The following MCCC2 variants were observed in gnomAD, a reference collection of about 807,000 sequenced individuals.
The protein encoded by MCCC2 is methylcrotonoyl-CoA carboxylase beta chain, mitochondrial.
A neutral mutation model predicts 77.2 loss-of-function variants in MCCC2; 52 were observed. The observed-to-expected ratio is 0.67, with a 90% CI of 0.54 to 0.85. The LOEUF (loss-of-function observed/expected upper bound fraction) is 0.85, where lower values mean the gene tolerates loss of function less well. Among genes scored for constraint, MCCC2 ranks in the 40% least tolerant of loss-of-function variants. The pLI is 0.00. For synonymous variants in MCCC2, 253 were observed against 248.4 expected (o/e 1.02, Z -0.18); for missense variants, 682 against 703.2 (o/e 0.97, Z 0.34).
chr5:71,600,384 ACTT>A (rs1356128200), intron 4 of MCCC2, among the ~76,000 whole-genome samples: 2 of 151,730 alleles, frequency 1.3e-5, no homozygotes, highest in African/African-American at 4.8e-5. Context: ...CTAATCTCGA[ACTT>A]CTGGGCTCAA....
intron 8 of MCCC2, among the ~76,000 whole-genome samples, chr5:71,633,131 A>ATTTTTTTTTTTTTTTTT (rs1306338509): frequency 9.0e-5 from 7 of 78,084 alleles, no homozygotes; most frequent in East Asian, 4.8e-4. Context: ...ATATATATAT[A>ATTTTTTTTTTTTTTTTT]TTTTTATTTT....
intron 15 of MCCC2, among the ~76,000 whole-genome samples, chr5:71,652,437 G>A (rs904648254): frequency 1.3e-5 from 2 of 152,208 alleles, no homozygotes; most frequent in Non-Finnish European, 2.9e-5. Flanking sequence ...TTCACCTTAC[G>A]TGAAATAGCC....
At position 71,587,515 on chromosome 5, in the gene MCCC2, G is replaced by C. The variant is rs559384926; in HGVS notation, c.90G>C (p.Ser30=). 24 of 1,538,070 alleles carry C rather than the reference G, an allele frequency of 1.6e-5. No individual in the cohort carries two copies. The highest frequency in any genetic ancestry group is 1.9e-5 in the Non-Finnish European group (22 of 1,146,494). Reference sequence around the variant, plus strand: ...CCTATCACGGGGACTCGGTGGCCTCGCTGGGCACCCAGCCGGACTTGGGCT... The same window carrying C: ...CCTATCACGGGGACTCGGTGGCCTCCCTGGGCACCCAGCCGGACTTGGGCT... ...PRAYHGDSVA[S]LGTQPDLGSA... Residue 30 remains serine, a synonymous_variant, in exon 1 of 17, where the codon TCG becomes TCC. Transcript: ENST00000340941.
Position 71,635,161 on chromosome 5 carries a change from A to T in MCCC2, c.914A>T (p.Glu305Val), listed in dbSNP as rs757389984. 1.9e-6 allele frequency: 3 copies of T among 1,614,016 alleles called. No individual in the cohort carries two copies. The highest frequency in any genetic ancestry group is 3.3e-5 in the Admixed American group (2 of 60,004). ...NYQKKLDVTI[E>V]PSEEPLFPAD... ...TCTATATTTCTGCAGGTCACCATTGAACCTTCTGAAGAGCCTTTATTTCCT... is the reference window on the plus strand; with the variant it reads ...TCTATATTTCTGCAGGTCACCATTGTACCTTCTGAAGAGCCTTTATTTCCT... The change falls in exon 10 of 17, where the codon GAA becomes GTA. Residue 305 changes from glutamate (E) to valine (V), a missense_variant. Transcript: ENST00000340941.
chr5:71,617,484 G>A (rs1003088870), intron 6 of MCCC2, among the ~76,000 whole-genome samples: 5 of 152,180 alleles, frequency 3.3e-5, no homozygotes, highest in Non-Finnish European at 7.3e-5. Context: ...ACATTTCCCT[G>A]AGATGGTACT....
rs1482184158 is a variant in MCCC2 at position 71,602,867 on chromosome 5, C to G, written c.511+234C>G. On this transcript the variant is annotated intron_variant, in intron 5 of 16. Transcript: ENST00000340941. Reference sequence around the variant, plus strand: ...TTTTGACGCATGCCAGTTTTTTTCTCTATGTGTTGTGTGGTTTTTTTTTTT... The same window carrying G: ...TTTTGACGCATGCCAGTTTTTTTCTGTATGTGTTGTGTGGTTTTTTTTTTT... 5 of 546,326 alleles carry G rather than the reference C, an allele frequency of 9.2e-6. No individual in the cohort carries two copies. The Admixed American group carries it at 1.1e-4, about 12-fold the overall frequency. 33.8% of individuals were successfully genotyped at this position (546,326 alleles called of 1,614,324 possible). A position where few individuals can be genotyped will look rare whatever the true frequency, so the allele number is the denominator to read the frequency against.
Position 71,658,207 on chromosome 5 carries a change from C to T in MCCC2, c.*1347C>T, listed in dbSNP as rs149415279. 1.5e-3 allele frequency: 235 copies of T among 152,250 alleles called. 2 individuals are homozygous for T. Among genetic ancestry groups the T allele is most frequent in the African/African-American group, 5.4e-3 (225 of 41,538 alleles). The allele number at this position is 152,250 out of a possible 1,614,324, so 9.4% of individuals were successfully genotyped here. A position where few individuals can be genotyped will look rare whatever the true frequency, so the allele number is the denominator to read the frequency against. ...TTATCTCTTTGACTCCTCTTTACAC[C>T]GGAGAACGGCTCCAGCTGTTCTAGC... On this transcript the variant is annotated 3_prime_UTR_variant, in exon 17 of 17. Transcript: ENST00000340941.
intron 15 of MCCC2, among the ~76,000 whole-genome samples, chr5:71,650,749 C>T (rs940948637): frequency 2.0e-5 from 3 of 152,266 alleles, no homozygotes; most frequent in Middle Eastern, 3.4e-3. Context: ...CCCAGGTTCA[C>T]GCCATTCTTC....
intron 13 of MCCC2, among the ~76,000 whole-genome samples, chr5:71,646,948 G>A (rs1747289843): frequency 6.6e-6 from 1 of 152,096 alleles, no homozygotes; most frequent in South Asian, 2.1e-4. Context: ...CAAAGTCTGG[G>A]GATTTGAGTT....
chr5:71,624,125 A>G (rs1746453644), intron 6 of MCCC2, among the ~76,000 whole-genome samples: 1 of 152,146 alleles, frequency 6.6e-6, no homozygotes, highest in African/African-American at 2.4e-5. Flanking sequence ...TCACATGGTG[A>G]CCAAAGAGAT....
intron 7 of MCCC2, among the ~76,000 whole-genome samples, chr5:71,628,883 AAACAGGGTAG>A (rs1432525493): frequency 5.3e-5 from 8 of 152,212 alleles, no homozygotes; most frequent in Non-Finnish European, 1.2e-4. Flanking sequence ...AGAGGAGAGG[AAACAGGGTAG>A]AAGAAAGACC....
chr5:71,611,940 C>G (rs965439981), intron 6 of MCCC2, among the ~76,000 whole-genome samples: 2 of 151,976 alleles, frequency 1.3e-5, no homozygotes, highest in African/African-American at 2.4e-5. Flanking sequence ...AGGCGCCCAC[C>G]ACCATGCCCG....
At chr5:71,633,120 TATATATATATA>T (rs1561841362) in intron 8 of MCCC2, among the ~76,000 whole-genome samples, 3 of 117,516 alleles carry the variant, frequency 2.6e-5, no homozygotes, top group Non-Finnish European at 3.5e-5. Context: ...TATATATATA[TATATATATATA>T]TTTTTATTTT....
chr5:71,588,924 A>G (rs1240004734), intron 1 of MCCC2, among the ~76,000 whole-genome samples: 3 of 152,156 alleles, frequency 2.0e-5, no homozygotes, highest in African/African-American at 7.2e-5. Flanking sequence ...TTTAGATTCC[A>G]TTTGGCAGGT....
Position 71,656,802 on chromosome 5 carries a change from T to C in MCCC2, c.1634T>C (p.Phe545Ser). The change falls in exon 17 of 17, where the codon TTT becomes TCT. Residue 545 changes from phenylalanine (F) to serine (S), a missense_variant. Physicochemically the swap from Phe to Ser is radical, Grantham distance 155 (BLOSUM62 -2). Transcript: ENST00000340941. ...ADTRLVLGLS[F>S]SAALNAPIEK... is the part of the protein sequence containing the mutation. ...ACCAGACTGGTCTTGGGTCTCAGTT[T>C]TAGTGCAGCCCTCAACGCACCAATA... 1 of 1,614,208 alleles carries C rather than the reference T, an allele frequency of 6.2e-7. No individual in the cohort carries two copies. The highest frequency in any genetic ancestry group is 8.5e-7 in the Non-Finnish European group (1 of 1,180,024).
chr5:71,657,108 G>T lies in MCCC2; in HGVS notation c.*248G>T. The T allele has an allele frequency of 2.3e-6, 1 of 432,162 alleles. No individual in the cohort carries two copies. The highest frequency in any genetic ancestry group is 2.3e-5 in the South Asian group (1 of 44,114). 26.8% of individuals were successfully genotyped at this position (432,162 alleles called of 1,614,324 possible). On this transcript the variant is annotated 3_prime_UTR_variant, in exon 17 of 17. Coordinates refer to ENST00000340941, the MANE Select transcript of MCCC2 (RefSeq NM_022132.5). ...CCATAAAGCGGAGACAGTAATTTAC[G>T]GTTATCCTTTCTGACCCACAAAGTA...
At chr5:71,618,006 C>T (rs369512522) in intron 6 of MCCC2, among the ~76,000 whole-genome samples, 1 of 151,868 alleles carries the variant, frequency 6.6e-6, no homozygotes, top group African/African-American at 2.4e-5. Context: ...ATTTTAAGAC[C>T]CCTTAATCGT....
At chr5:71,605,206 A>C (rs1745622484) in intron 6 of MCCC2, among the ~76,000 whole-genome samples, 1 of 146,654 alleles carries the variant, frequency 6.8e-6, no homozygotes, top group East Asian at 2.1e-4. Flanking sequence ...CAACAGTGTA[A>C]AAGTGTTCCT....
chr5:71,648,433 GT>G (rs532761057), intron 13 of MCCC2, among the ~76,000 whole-genome samples: 3 of 151,674 alleles, frequency 2.0e-5, no homozygotes, highest in African/African-American at 7.3e-5. Flanking sequence ...TGGAAAAATA[GT>G]TTTTTTTTAA....
Sources: allele counts gnomAD v4.1 joint callset (sites outside exome capture counted in the v4.1 genomes callset), GRCh38; gene constraint gnomAD v4.1.1; transcripts MANE v1.5; gene names NCBI Gene and HGNC (gene_info 2026-07-23, HGNC 2026-07-21).